Variants in ALKBH5 observed in about 807,000 individuals in gnomAD.
ALKBH5 encodes the protein RNA demethylase ALKBH5.
Under a neutral mutation model 32.1 loss-of-function variants are expected in ALKBH5, and 2 were observed. That is an observed-to-expected ratio of 0.06 (90% CI 0.03 to 0.20). The LOEUF (loss-of-function observed/expected upper bound fraction) is 0.20, where lower values mean the gene tolerates loss of function less well. ALKBH5 is among the 10% of genes least tolerant of loss of function. The pLI, the probability that ALKBH5 is intolerant of heterozygous loss-of-function variation, is 1.00. For missense variants in ALKBH5, 352 were observed against 559.5 expected, an observed-to-expected ratio of 0.63 and a Z score of 3.74; for synonymous variants, 300 against 231.7, an observed-to-expected ratio of 1.29 and a Z score of -2.68.
chr17:18,196,100 C>T (rs1055903411), intron 2 of ALKBH5, among the ~76,000 whole-genome samples: 1 of 152,142 alleles, frequency 6.6e-6, no homozygotes, highest in African/African-American at 2.4e-5. Flanking sequence ...TAGGTTTTTC[C>T]TAATGTCCTT....
intron 2 of ALKBH5, among the ~76,000 whole-genome samples, chr17:18,196,139 A>G (rs1484148995): frequency 6.6e-6 from 1 of 150,938 alleles, no homozygotes; most frequent in Non-Finnish European, 1.5e-5. Context: ...CCTACGTTAC[A>G]TTTAGTTGAC....
Position 18,184,579 on chromosome 17 carries a change from C to T in ALKBH5, c.336C>T (p.Ser112=), listed in dbSNP as rs529827313. ...AGGCCCGCATTGACGAGGTGGTGTC[C>T]CGCGCTGAGAAGGGCCTGTACAACG... is the stretch of plus-strand genomic sequence containing the variant. ...KIEARIDEVV[S]RAEKGLYNEH... is the part of the protein sequence containing the mutation. Residue 112 remains serine (S), a synonymous_variant, in exon 1 of 4, where the codon TCC becomes TCT. Coordinates refer to ENST00000399138, the MANE Select transcript of ALKBH5 (RefSeq NM_017758.4). The T allele has an allele frequency of 1.2e-6, 2 of 1,613,354 alleles. No homozygotes were observed. The highest frequency in any genetic ancestry group is 1.7e-5 in the Admixed American group (1 of 60,028).
At chr17:18,190,277 C>T (rs1213757084) in intron 1 of ALKBH5, among the ~76,000 whole-genome samples, 2 of 152,132 alleles carry the variant, frequency 1.3e-5, no homozygotes, top group South Asian at 2.1e-4. Context: ...GGGCCAGGTG[C>T]GGTGGCTCAT....
At chr17:18,187,341 G>A (rs1323395947) in intron 1 of ALKBH5, among the ~76,000 whole-genome samples, 1 of 152,070 alleles carries the variant, frequency 6.6e-6, no homozygotes, top group African/African-American at 2.4e-5. Context: ...TTGATGGGAG[G>A]CAGATGGAGT....
chr17:18,189,106 G>A (rs1426047500), intron 1 of ALKBH5, among the ~76,000 whole-genome samples: 4 of 151,402 alleles, frequency 2.6e-5, no homozygotes, highest in South Asian at 2.1e-4. Flanking sequence ...GGCCGGGCGC[G>A]GTGGCTCACG....
intron 1 of ALKBH5, among the ~76,000 whole-genome samples, chr17:18,185,435 C>T (rs1340102268): frequency 6.7e-6 from 1 of 148,928 alleles, no homozygotes; most frequent in East Asian, 2.0e-4. Flanking sequence ...CTTTCTTGTT[C>T]TGCCATTTTT....
intron 1 of ALKBH5, among the ~76,000 whole-genome samples, chr17:18,189,297 G>T (rs2047159386): frequency 6.8e-6 from 1 of 147,844 alleles, no homozygotes; most frequent in African/African-American, 2.5e-5. Context: ...CGGCAGAATG[G>T]CACGAACCCG....
At chr17:18,195,410 T>C (rs1211268333) in intron 2 of ALKBH5, among the ~76,000 whole-genome samples, 3 of 152,234 alleles carry the variant, frequency 2.0e-5, no homozygotes. Context: ...ACTGTGCCTT[T>C]AGCAGCCTGC....
chr17:18,196,027 A>T (rs775700553), intron 2 of ALKBH5, among the ~76,000 whole-genome samples: 3 of 151,960 alleles, frequency 2.0e-5, no homozygotes, highest in Non-Finnish European at 2.9e-5. Context: ...TCTGCATCCC[A>T]TTTCTCCTAT....
At chr17:18,198,745 A>G (rs1372637049) in intron 2 of ALKBH5, among the ~76,000 whole-genome samples, 1 of 152,326 alleles carries the variant, frequency 6.6e-6, no homozygotes, top group East Asian at 1.9e-4. Flanking sequence ...GCAGCTGCCA[A>G]GTGCTTTCTG....
chr17:18,191,133 C>A (rs1415322843), intron 1 of ALKBH5, among the ~76,000 whole-genome samples: 1 of 152,198 alleles, frequency 6.6e-6, no homozygotes, highest in Non-Finnish European at 1.5e-5. Context: ...GACTTTCAGA[C>A]AATTTATTTT....
Position 18,206,929 on chromosome 17 carries a change from C to T in ALKBH5, c.966C>T (p.Pro322=), listed in dbSNP as rs745938722. 2.7e-5 allele frequency: 44 copies of T among 1,614,156 alleles called. No homozygotes were observed. Among genetic ancestry groups the T allele is most frequent in the Non-Finnish European group, 3.6e-5 (43 of 1,180,062 alleles). The change falls in exon 3 of 4, where the codon CCC becomes CCT. Residue 322 remains proline, a synonymous_variant. Coordinates refer to ENST00000399138, the MANE Select transcript of ALKBH5 (RefSeq NM_017758.4). ...ACAACAGGGACCCTGCTCTGAAACC[C>T]AAGCGGTCCCACCGCAAGGCAGACC... The part of the protein sequence containing the change: ...SGNNRDPALK[P]KRSHRKADPD...
chr17:18,193,361 C>T (rs2047188736), intron 1 of ALKBH5, among the ~76,000 whole-genome samples: 1 of 151,942 alleles, frequency 6.6e-6, no homozygotes, highest in Admixed American at 6.6e-5. Context: ...TCCTGACCAA[C>T]ATAGTGAAAC....
At chr17:18,195,836 A>T (rs114633125) in intron 2 of ALKBH5, among the ~76,000 whole-genome samples, 1,892 of 152,330 alleles carry the variant, frequency 0.012, 47 homozygotes, top group African/African-American at 0.043. Context: ...CCCAGAGAAG[A>T]TAGGTGATTG....
At chr17:18,189,673 C>T (rs533783714) in intron 1 of ALKBH5, among the ~76,000 whole-genome samples, 1 of 152,356 alleles carries the variant, frequency 6.6e-6, no homozygotes, top group African/African-American at 2.4e-5. Flanking sequence ...AACTCGTTGA[C>T]TTCGGGGAAA....
intron 2 of ALKBH5, among the ~76,000 whole-genome samples, chr17:18,204,818 C>CT (rs2047260439): frequency 6.6e-6 from 1 of 151,558 alleles, no homozygotes; most frequent in Non-Finnish European, 1.5e-5. Context: ...AATCTCAACA[C>CT]TTTGGGAGGC....
At chr17:18,200,629 T>C (rs1325015719) in intron 2 of ALKBH5, among the ~76,000 whole-genome samples, 1 of 152,192 alleles carries the variant, frequency 6.6e-6, no homozygotes, top group Non-Finnish European at 1.5e-5. Context: ...CTATTCTCTT[T>C]TGTCCTTTGG....
At position 18,184,330 on chromosome 17, in the gene ALKBH5, GGCCGCC is replaced by G. The variant is rs1355794523; in HGVS notation, c.93_98del (p.Ala36_Ala37del). 2.0e-6 allele frequency: 3 copies of G among 1,511,980 alleles called. No individual in the cohort carries two copies. The highest frequency in any genetic ancestry group is 4.6e-5 in the Admixed American group (2 of 43,056). 93.7% of individuals were successfully genotyped at this position (1,511,980 alleles called of 1,614,324 possible). A position where few individuals can be genotyped will look rare whatever the true frequency, so the allele number is the denominator to read the frequency against. ...ACAACTATAAGGCGGGCAGCCGGGAGGCCGCCGCCGCTGCCGCAGCCGCCGTAGCCG... is the reference window on the plus strand; with the variant it reads ...ACAACTATAAGGCGGGCAGCCGGGAGGCCGCTGCCGCAGCCGCCGTAGCCG... On this transcript the variant is annotated inframe_deletion, in exon 1 of 4. Coordinates refer to ENST00000399138, the MANE Select transcript of ALKBH5 (RefSeq NM_017758.4).
At chr17:18,196,301 C>A (rs891652051) in intron 2 of ALKBH5, among the ~76,000 whole-genome samples, 6 of 151,846 alleles carry the variant, frequency 4.0e-5, no homozygotes, top group African/African-American at 1.5e-4. Flanking sequence ...CGGCTCACTG[C>A]AACCTCTGCG....
Sources: gnomAD v4.1 joint callset for allele counts (sites outside exome capture counted in the v4.1 genomes callset) on GRCh38, gnomAD v4.1.1 for gene constraint, MANE v1.5 for transcripts, NCBI Gene and HGNC (gene_info 2026-07-23, HGNC 2026-07-21) for gene names.